Variants in APBA1 observed in about 807,000 individuals in gnomAD.
APBA1 encodes the protein amyloid beta precursor protein binding family A member 1.
In APBA1, 55 loss-of-function variants were observed where a neutral mutation model predicts 86.6. The observed-to-expected ratio is 0.64, with a 90% CI of 0.51 to 0.80. The LOEUF (loss-of-function observed/expected upper bound fraction) is 0.80. Among genes scored for constraint, APBA1 ranks in the 30% least tolerant of loss-of-function variants. The pLI is 0.00. For missense variants in APBA1, 1,090 were observed against 1,183.0 expected, an observed-to-expected ratio of 0.92 and a Z score of 1.15; for synonymous variants, 511 against 493.9, an observed-to-expected ratio of 1.03 and a Z score of -0.46.
intron 2 of APBA1, among the ~76,000 whole-genome samples, chr9:69,488,104 A>G (rs573773999): frequency 1.3e-5 from 2 of 152,262 alleles, no homozygotes; most frequent in South Asian, 4.1e-4. Flanking sequence ...TGCACTGGTT[A>G]GAGAAGGAGT....
rs769686215 is a variant in APBA1 at position 69,471,634 on chromosome 9, G to C, written c.1336+22C>G. On this transcript the variant is annotated intron_variant, in intron 4 of 12. Transcript: ENST00000265381. ...AGATTCATGAATGACTCAGTGCTCA[G>C]TATTTTCTTTTCAGCTCTTACCTTC... 4 of 1,605,624 alleles carry C rather than the reference G, an allele frequency of 2.5e-6. No homozygotes were observed. The Admixed American group carries it at 5.0e-5, about 20-fold the overall frequency.
intron 1 of APBA1, among the ~76,000 whole-genome samples, chr9:69,519,022 G>A (rs1026469191): frequency 2.0e-5 from 3 of 152,180 alleles, no homozygotes; most frequent in Admixed American, 6.5e-5. Flanking sequence ...TTATTGCTTC[G>A]CTACTTGACA....
At chr9:69,455,041 G>C (rs999455779) in intron 8 of APBA1, among the ~76,000 whole-genome samples, 2 of 152,098 alleles carry the variant, frequency 1.3e-5, no homozygotes, top group Admixed American at 6.5e-5. Context: ...CCTCCTCTCT[G>C]TGCCCACAGC....
At chr9:69,620,722 T>C (rs1050318361) in intron 1 of APBA1, among the ~76,000 whole-genome samples, 2 of 152,152 alleles carry the variant, frequency 1.3e-5, no homozygotes, top group African/African-American at 4.8e-5. Flanking sequence ...ACCTCTTCCT[T>C]CTACAGATAG....
chr9:69,513,775 G>A (rs1836090475), intron 2 of APBA1, among the ~76,000 whole-genome samples: 1 of 152,206 alleles, frequency 6.6e-6, no homozygotes, highest in South Asian at 2.1e-4. Context: ...CCTTAAAGAG[G>A]AGGTGAATGC....
At chr9:69,475,921 A>G in intron 3 of APBA1, 127 bp downstream of exon 3, 1 of 760,134 alleles carries the variant, frequency 1.3e-6, no homozygotes, top group Middle Eastern at 2.2e-4. Context: ...GAGAGGAGAA[A>G]TCAGGATTGT....
At chr9:69,526,602 C>T (rs1836346470) in intron 1 of APBA1, among the ~76,000 whole-genome samples, 1 of 152,068 alleles carries the variant, frequency 6.6e-6, no homozygotes, top group African/African-American at 2.4e-5. Context: ...GAAAAGGGAA[C>T]ATCTATGCAC....
chr9:69,619,968 C>T (rs1822782090), intron 1 of APBA1, among the ~76,000 whole-genome samples: 1 of 152,146 alleles, frequency 6.6e-6, no homozygotes, highest in Admixed American at 6.5e-5. Flanking sequence ...TGAAAAGTTA[C>T]CTGAAATCTC....
intron 1 of APBA1, among the ~76,000 whole-genome samples, chr9:69,669,639 G>C (rs1322018188): frequency 6.6e-6 from 1 of 152,192 alleles, no homozygotes; most frequent in Admixed American, 6.5e-5. Flanking sequence ...TCTGGGTGTG[G>C]TGCCATGTGC....
intron 1 of APBA1, among the ~76,000 whole-genome samples, chr9:69,663,485 T>G (rs1341328793): frequency 1.3e-5 from 2 of 152,242 alleles, no homozygotes; most frequent in Non-Finnish European, 2.9e-5. Flanking sequence ...CGTCCTCTGC[T>G]TTTAAAATAT....
At chr9:69,522,212 A>G (rs1370020787) in intron 1 of APBA1, among the ~76,000 whole-genome samples, 2 of 152,088 alleles carry the variant, frequency 1.3e-5, no homozygotes, top group East Asian at 3.9e-4. Flanking sequence ...TTTGTCATGT[A>G]TCTTTGATTT....
chr9:69,605,279 A>T (rs1362318331), intron 1 of APBA1, among the ~76,000 whole-genome samples: 3 of 152,102 alleles, frequency 2.0e-5, no homozygotes, highest in African/African-American at 7.2e-5. Context: ...AAAAAAAAAA[A>T]TTATCTCAGG....
At chr9:69,649,943 A>G (rs1202758350) in intron 1 of APBA1, among the ~76,000 whole-genome samples, 2 of 152,220 alleles carry the variant, frequency 1.3e-5, no homozygotes, top group East Asian at 3.8e-4. Context: ...GGAATATATT[A>G]AAGTAATAAT....
chr9:69,495,633 A>AG (rs1312010464), intron 2 of APBA1, among the ~76,000 whole-genome samples: 2 of 152,104 alleles, frequency 1.3e-5, no homozygotes, highest in African/African-American at 4.8e-5. Flanking sequence ...GTTTCTGAGA[A>AG]GGGGCTGGCC....
At chr9:69,446,599 T>TGGCAGCTGCAGAGGGAGTCA (rs1834912518) in intron 10 of APBA1, among the ~76,000 whole-genome samples, 1 of 152,238 alleles carries the variant, frequency 6.6e-6, no homozygotes, top group Non-Finnish European at 1.5e-5. Context: ...CTTGATGCTG[T>TGGCAGCTGCAGAGGGAGTCA]GGCAGCTGCA....
intron 1 of APBA1, among the ~76,000 whole-genome samples, chr9:69,652,981 A>T (rs1028903744): frequency 6.6e-6 from 1 of 151,164 alleles, no homozygotes; most frequent in African/African-American, 2.4e-5. Flanking sequence ...TGGGTGACAG[A>T]GTGAGACTCC....
chr9:69,591,787 C>T (rs946366873), intron 1 of APBA1, among the ~76,000 whole-genome samples: 4 of 152,170 alleles, frequency 2.6e-5, no homozygotes, highest in African/African-American at 9.7e-5. Flanking sequence ...TAAGCCACTG[C>T]CTTGAGAGAG....
At chr9:69,532,770 A>G (rs1163193761) in intron 1 of APBA1, among the ~76,000 whole-genome samples, 2 of 152,166 alleles carry the variant, frequency 1.3e-5, no homozygotes, top group East Asian at 3.9e-4. Context: ...CAGGAAAATC[A>G]CACTTCTAAG....
chr9:69,656,013 A>G (rs1313137027), intron 1 of APBA1, among the ~76,000 whole-genome samples: 4 of 152,246 alleles, frequency 2.6e-5, no homozygotes, highest in African/African-American at 9.6e-5. Context: ...TATCCCATAC[A>G]TGTACAATTT....
Sources: gnomAD v4.1 joint callset for allele counts (sites outside exome capture counted in the v4.1 genomes callset) on GRCh38, gnomAD v4.1.1 for gene constraint, MANE v1.5 for transcripts, NCBI Gene and HGNC (gene_info 2026-07-23, HGNC 2026-07-21) for gene names.